UNC13A: variants seen among roughly 807,000 people sequenced by gnomAD.
UNC13A encodes unc-13 homolog A.
In UNC13A, 61 loss-of-function variants were observed where a neutral mutation model predicts 219.7. The observed-to-expected ratio is 0.28, with a 90% confidence interval of 0.23 to 0.34. The LOEUF (loss-of-function observed/expected upper bound fraction) is 0.34, where lower values mean the gene tolerates loss of function less well. Among genes scored for constraint, UNC13A ranks in the 10% least tolerant of loss-of-function variants. The pLI is 1.00. For missense variants in UNC13A, 1,476 were observed against 2,270.3 expected, an observed-to-expected ratio of 0.65 and a Z score of 7.11; for synonymous variants, 920 against 884.6, an observed-to-expected ratio of 1.04 and a Z score of -0.71.
rs981608244 is a variant in UNC13A, at chr19:17,670,809, C to A, written c.271-1133G>T. On this transcript the variant is annotated intron_variant, in intron 4 of 43. Coordinates refer to ENST00000519716, the MANE Select transcript of UNC13A (RefSeq NM_001080421.3). ...ATCCCAGCTACTCAGGAGGTTGAGG[C>A]AGGAGAATCACTTAAGCCAGGGAGG... is the stretch of plus-strand genomic sequence containing the variant. 2.6e-5 allele frequency among the ~76,000 whole-genome samples: 4 copies of A among 151,844 alleles called. No individual in the cohort carries two copies. In the South Asian group the frequency reaches 8.3e-4, roughly 32 times the overall value.
Position 17,646,058 on chromosome 19 carries a change from A to AG in UNC13A, c.2097dup (p.Tyr700LeufsTer31). ...GTCTTCCCGACCTGGACGGTGACATAGGGGTCACTGGATCCTGTCTTGTCC... is the reference window on the plus strand; with the variant it reads ...GTCTTCCCGACCTGGACGGTGACATAGGGGGTCACTGGATCCTGTCTTGTCC... On this transcript the variant is annotated frameshift_variant, in exon 18 of 44. Transcript: ENST00000519716. LOFTEE classifies it high-confidence loss of function. 2 of 1,613,926 alleles carry AG rather than the reference A, an allele frequency of 1.2e-6. No homozygotes were observed. Among genetic ancestry groups the AG allele is most frequent in the Non-Finnish European group, 1.7e-6 (2 of 1,179,882 alleles).
intron 36 of UNC13A, 82 bp downstream of exon 36, chr19:17,623,460 G>A (rs2076750418): frequency 2.7e-6 from 3 of 1,130,614 alleles, no homozygotes; most frequent in East Asian, 2.9e-5. Flanking sequence ...GGTGGGTGGG[G>A]AGAGGGGTGC....
rs114609444 is a variant in UNC13A, at chr19:17,606,503, C to G, written c.4812-149G>C. The G allele has an allele frequency of 3.4e-3, 4,120 of 1,198,520 alleles. 114 individuals are homozygous for G. In the African/African-American group the frequency reaches 0.055, roughly 16 times the overall value. The allele number at this position is 1,198,520 out of a possible 1,614,324, so 74.2% of individuals were successfully genotyped here. On this transcript the variant is annotated intron_variant, in intron 43 of 43. Transcript: ENST00000519716. ...CGCTACGCTAGCCCCGCCCCTGCCC[C>G]GTTACTTGACCTACAACCCTGTGCT...
chr19:17,655,841 C>A (rs761146487), intron 10 of UNC13A, 42 bp downstream of exon 10: 2 of 1,479,154 alleles, frequency 1.4e-6, no homozygotes, highest in African/African-American at 2.8e-5. Flanking sequence ...GACCCTGTGA[C>A]CTTGTGGCAG....
intron 6 of UNC13A, among the ~76,000 whole-genome samples, chr19:17,667,543 G>A (rs1362848782): frequency 6.6e-6 from 1 of 151,638 alleles, no homozygotes; most frequent in Non-Finnish European, 1.5e-5. Context: ...GCGTGATCTC[G>A]GCTCACTGCA....
At chr19:17,668,900 A>G (rs888239456) in intron 5 of UNC13A, among the ~76,000 whole-genome samples, 1 of 152,202 alleles carries the variant, frequency 6.6e-6, no homozygotes, top group Non-Finnish European at 1.5e-5. Context: ...GGCTTGAGCC[A>G]TCCTCTTGCC....
At chr19:17,650,201 T>A (rs1377013445) in intron 12 of UNC13A, among the ~76,000 whole-genome samples, 6 of 152,062 alleles carry the variant, frequency 3.9e-5, no homozygotes, top group African/African-American at 1.4e-4. Flanking sequence ...TTAAGGCAAA[T>A]CTAAATAATA....
chr19:17,642,169 C>T (rs983777300), intron 20 of UNC13A, among the ~76,000 whole-genome samples: 3 of 152,068 alleles, frequency 2.0e-5, no homozygotes, highest in Non-Finnish European at 4.4e-5. Flanking sequence ...TCTGCTCATC[C>T]AACATTTCAT....
chr19:17,648,698 G>T (rs772282397), intron 15 of UNC13A, 48 bp from the exon 16 acceptor site: 2 of 1,576,380 alleles, frequency 1.3e-6, no homozygotes, highest in African/African-American at 2.7e-5. Flanking sequence ...ACCTGGCGCT[G>T]TCCCTGTCCT....
chr19:17,653,484 ATTAC>A (rs1324463784), intron 11 of UNC13A, among the ~76,000 whole-genome samples: 1 of 151,794 alleles, frequency 6.6e-6, no homozygotes, highest in Admixed American at 6.6e-5. Flanking sequence ...AGTAGCTGGG[ATTAC>A]AGGTGCCCAC....
rs78197705 is a variant in UNC13A at position 17,625,334 on chromosome 19, C to T, written c.4074-382G>A. Among the ~76,000 whole-genome samples the T allele has an allele frequency of 1.7e-3, 263 of 152,184 alleles. 9 individuals are homozygous for T. The East Asian group carries it at 0.042, about 24-fold the overall frequency. On this transcript the variant is annotated intron_variant, in intron 34 of 43. Transcript: ENST00000519716. ...GATCAGGGACTATGAGGGAGAAGGC[C>T]ATGCCCAAGAGGAACAGGAGGGGAA...
At chr19:17,642,616 G>C (rs1221270521) in intron 20 of UNC13A, among the ~76,000 whole-genome samples, 2 of 152,218 alleles carry the variant, frequency 1.3e-5, no homozygotes, top group African/African-American at 4.8e-5. Flanking sequence ...AGAACCTGAT[G>C]ATGAGTAGTG....
rs536527515 is a variant in UNC13A, at chr19:17,635,032, G to A, written c.3215+992C>T. ...ACTACAGGCGCCCACCACCACTCCC[G>A]GCTAATTTTTGTATTTTTAGTAGAG... On this transcript the variant is annotated intron_variant, in intron 26 of 43. Coordinates refer to ENST00000519716, the MANE Select transcript of UNC13A (RefSeq NM_001080421.3). Among the ~76,000 whole-genome samples the A allele has an allele frequency of 1.5e-3, 223 of 152,096 alleles. 1 individual carries two copies. The highest frequency in any genetic ancestry group is 1.4e-3 in the Non-Finnish European group (97 of 67,974).
intron 11 of UNC13A, among the ~76,000 whole-genome samples, chr19:17,653,949 C>A (rs1021535243): frequency 2.0e-5 from 3 of 151,816 alleles, no homozygotes; most frequent in Non-Finnish European, 4.4e-5. Context: ...GCCTCAGCCT[C>A]CCGAGTAGCT....
chr19:17,650,522 A>G (rs1362308153), intron 12 of UNC13A, among the ~76,000 whole-genome samples: 11 of 152,160 alleles, frequency 7.2e-5, no homozygotes, highest in Admixed American at 6.5e-4. Context: ...CAAAAATAAA[A>G]TAAAATATAG....
chr19:17,665,945 C>T (rs1252751929), intron 7 of UNC13A, among the ~76,000 whole-genome samples: 1 of 139,980 alleles, frequency 7.1e-6, no homozygotes, highest in Non-Finnish European at 1.6e-5. Context: ...AAGAGGGACA[C>T]TGGCCTGCCC....
In UNC13A at chr19:17,648,931, G is replaced by A; in HGVS notation, c.1577C>T (p.Thr526Met). 1 of 1,602,646 alleles carries A rather than the reference G, an allele frequency of 6.2e-7. No homozygotes were observed. ...AGITSALASS[T>M]LNNEELKNHV... ...ACGCACCAGCTCCTCGTTGTTCAAC[G>A]TGCTGGAGGCCAAGGCCGAGGTGAT... The change falls in exon 15 of 44, where the codon ACG becomes ATG. Residue 526 changes from threonine (T) to methionine (M), a missense_variant. Thr to Met is a moderately conservative substitution (Grantham distance 81). Transcript: ENST00000519716.
chr19:17,644,494 G>T (rs557500098), intron 19 of UNC13A, among the ~76,000 whole-genome samples: 47 of 134,786 alleles, frequency 3.5e-4, no homozygotes, highest in African/African-American at 1.2e-3. Context: ...TGCCCAGCCT[G>T]GATTCCATTT....
At chr19:17,664,876 T>G (rs2079612957) in intron 7 of UNC13A, among the ~76,000 whole-genome samples, 1 of 151,844 alleles carries the variant, frequency 6.6e-6, no homozygotes, top group African/African-American at 2.4e-5. Context: ...GGGAGAGCTG[T>G]GAGAGGGGAG....
Sources: allele counts gnomAD v4.1 joint callset (sites outside exome capture counted in the v4.1 genomes callset), GRCh38; gene constraint gnomAD v4.1.1; transcripts MANE v1.5; gene names NCBI Gene and HGNC (gene_info 2026-07-23, HGNC 2026-07-21).